ARHGEF3: variants seen among roughly 807,000 people sequenced by gnomAD.
The protein encoded by ARHGEF3 is Rho guanine nucleotide exchange factor 3.
ARHGEF3 carries 28 observed loss-of-function variants against 63.2 expected under a neutral mutation model. That is an observed-to-expected ratio of 0.44 (90% CI 0.33 to 0.61). The LOEUF (loss-of-function observed/expected upper bound fraction) is 0.61, where lower values mean the gene tolerates loss of function less well. Among genes scored for constraint, ARHGEF3 ranks in the 20% least tolerant of loss-of-function variants. ARHGEF3 has a pLI of 0.03. For synonymous variants in ARHGEF3, 266 were observed against 254.2 expected (o/e 1.05, Z -0.44); for missense variants, 533 against 659.3 (o/e 0.81, Z 2.10).
intron 2 of ARHGEF3, among the ~76,000 whole-genome samples, chr3:57,026,177 A>T (rs1044116137): frequency 6.6e-6 from 1 of 152,174 alleles, no homozygotes. Context: ...AGGCAGAAGG[A>T]TCACTTGAGC....
intron 1 of ARHGEF3, among the ~76,000 whole-genome samples, chr3:57,038,617 T>A (rs115864725): frequency 0.012 from 1,898 of 152,288 alleles, 37 homozygotes; most frequent in African/African-American, 0.043. Flanking sequence ...CTCATTTTTT[T>A]AATTTTTTGT....
intron 3 of ARHGEF3, among the ~76,000 whole-genome samples, chr3:56,952,267 GCT>G (rs1309254696): frequency 6.6e-6 from 1 of 150,792 alleles, no homozygotes; most frequent in Non-Finnish European, 1.5e-5. Flanking sequence ...GACATGGCAA[GCT>G]CTCTGACAGC....
In ARHGEF3 at chr3:56,844,587, A is replaced by G. The variant is rs149738249; in HGVS notation, c.192+37705T>C. Among the ~76,000 whole-genome samples the G allele has an allele frequency of 9.3e-3, 1,419 of 152,348 alleles. 17 individuals carry two copies. The highest frequency in any genetic ancestry group is 0.027 in the African/African-American group (1,106 of 41,586). On this transcript the variant is annotated intron_variant, in intron 4 of 12. Transcript: ENST00000338458. ...TACTGCTGCCACCAGGATTCCAGCC[A>G]ACAGGTAATTAAACAGGTTTTGCTT...
Position 57,027,542 on chromosome 3 carries a change from T to A in ARHGEF3, c.62+7546A>T, listed in dbSNP as rs149173678. The stretch of plus-strand genomic sequence containing the variant: ...GTGGGGTGGTGAGAAGGCTGAGAGC[T>A]TTCTCTGGGAGCGTCAAAGGTGCAG... On this transcript the variant is annotated intron_variant, in intron 2 of 12. Coordinates refer to the ARHGEF3 transcript ENST00000338458. Among the ~76,000 whole-genome samples, 103 of 152,212 alleles carry A rather than the reference T, an allele frequency of 6.8e-4. 1 individual carries two copies. The highest frequency in any genetic ancestry group is 2.5e-3 in the African/African-American group (102 of 41,544).
intron 1 of ARHGEF3, among the ~76,000 whole-genome samples, chr3:57,055,589 G>C (rs947975059): frequency 3.9e-5 from 6 of 152,094 alleles, no homozygotes; most frequent in Admixed American, 3.3e-4. Flanking sequence ...AATCCATCTT[G>C]AATTATTTTT....
intron 2 of ARHGEF3, among the ~76,000 whole-genome samples, chr3:57,018,958 T>C (rs535845441): frequency 1.3e-5 from 2 of 152,028 alleles, no homozygotes; most frequent in South Asian, 4.2e-4. Flanking sequence ...ATATATGCCA[T>C]CTCTCGCAGA....
At chr3:57,037,662 C>G (rs1452888995) in intron 1 of ARHGEF3, among the ~76,000 whole-genome samples, 23 of 152,204 alleles carry the variant, frequency 1.5e-4, no homozygotes, top group African/African-American at 2.4e-5. Context: ...ATCACGAGGT[C>G]AGGAGATCGA....
At chr3:56,997,175 G>C (rs1180686803) in intron 2 of ARHGEF3, among the ~76,000 whole-genome samples, 2 of 152,064 alleles carry the variant, frequency 1.3e-5, no homozygotes, top group Non-Finnish European at 2.9e-5. Flanking sequence ...CCACTGAGCA[G>C]CTCAGCCTCT....
At chr3:57,011,053 C>T (rs1163147156) in intron 2 of ARHGEF3, among the ~76,000 whole-genome samples, 5 of 152,270 alleles carry the variant, frequency 3.3e-5, no homozygotes, top group East Asian at 3.9e-4. Context: ...GAAATGCTCC[C>T]GCCCGCTTCC....
At chr3:56,912,057 T>A (rs892789990) in intron 3 of ARHGEF3, among the ~76,000 whole-genome samples, 2 of 152,126 alleles carry the variant, frequency 1.3e-5, no homozygotes, top group African/African-American at 4.8e-5. Flanking sequence ...TGAGTTCTAG[T>A]TGATATCCTT....
At chr3:56,833,189 A>G (rs546136720) in intron 4 of ARHGEF3, among the ~76,000 whole-genome samples, 1 of 152,304 alleles carries the variant, frequency 6.6e-6, no homozygotes, top group East Asian at 1.9e-4. Context: ...CAACAGCTGC[A>G]CCATTTAAAT....
chr3:56,799,119 G>A (rs1313363975), intron 1 of ARHGEF3, among the ~76,000 whole-genome samples: 1 of 152,282 alleles, frequency 6.6e-6, no homozygotes, highest in East Asian at 1.9e-4. Context: ...CTTAAATCTT[G>A]AGTAGAAATT....
chr3:56,839,968 G>A (rs1161476183), intron 4 of ARHGEF3, among the ~76,000 whole-genome samples: 2 of 152,162 alleles, frequency 1.3e-5, no homozygotes, highest in African/African-American at 4.8e-5. Context: ...TCCTGGGAAT[G>A]ACTTCAACCC....
intron 3 of ARHGEF3, among the ~76,000 whole-genome samples, chr3:56,895,460 A>AT (rs1268899599): frequency 3.2e-5 from 3 of 94,468 alleles, no homozygotes; most frequent in African/African-American, 1.7e-4. Context: ...GTTCTTATTT[A>AT]TTTATTTATT....
chr3:56,859,003 T>C (rs536350849), intron 4 of ARHGEF3, among the ~76,000 whole-genome samples: 1 of 151,966 alleles, frequency 6.6e-6, no homozygotes, highest in Admixed American at 6.6e-5. Context: ...AACAAAAAAA[T>C]GTAGGATTAT....
At position 56,819,305 on chromosome 3, in the gene ARHGEF3, G is replaced by A. The variant is rs74547718; in HGVS notation, c.193-45489C>T. 8.8e-4 allele frequency among the ~76,000 whole-genome samples: 134 copies of A among 152,282 alleles called. 3 individuals are homozygous for A. In the East Asian group the frequency reaches 0.025, roughly 28 times the overall value. On this transcript the variant is annotated intron_variant, in intron 4 of 12. Coordinates refer to the ARHGEF3 transcript ENST00000338458. ...AATTGGTTGACATTTAAAAAGCTTT[G>A]TGTATCTTTGAACTCAGGTCCAGAA...
At chr3:56,831,722 C>T (rs1559976479) in intron 4 of ARHGEF3, among the ~76,000 whole-genome samples, 1 of 152,250 alleles carries the variant, frequency 6.6e-6, no homozygotes, top group Non-Finnish European at 1.5e-5. Flanking sequence ...CTTCCCAGCA[C>T]ACTGGTGTGT....
intron 1 of ARHGEF3, chr3:56,775,751 C>CAG (rs2036252507): frequency 1.1e-6 from 1 of 872,058 alleles, no homozygotes. Context: ...TTTTTTACGT[C>CAG]AGAGCTGCAC....
intron 3 of ARHGEF3, among the ~76,000 whole-genome samples, chr3:56,913,141 T>C (rs773651579): frequency 1.4e-4 from 18 of 131,584 alleles, no homozygotes; most frequent in Non-Finnish European, 2.9e-4. Flanking sequence ...AGCAAGACCT[T>C]GTCTCCTAAA....
Sources: allele counts gnomAD v4.1 joint callset (sites outside exome capture counted in the v4.1 genomes callset), GRCh38; gene constraint gnomAD v4.1.1; transcripts MANE v1.5; gene names NCBI Gene and HGNC (gene_info 2026-07-23, HGNC 2026-07-21).